The following VPS37A variants were observed in gnomAD, a reference collection of about 807,000 sequenced individuals.
VPS37A encodes VPS37A subunit of ESCRT-I, also known as vacuolar protein sorting-associated protein 37A.
Under a neutral mutation model 49.8 loss-of-function variants are expected in VPS37A, and 30 were observed. That is an observed-to-expected ratio of 0.60 (90% confidence interval 0.45 to 0.82). The LOEUF is 0.82. Among genes scored for constraint, VPS37A ranks in the 40% least tolerant of loss-of-function variants. The pLI is 0.00. For missense variants in VPS37A, 593 were observed against 464.4 expected, an observed-to-expected ratio of 1.28 and a Z score of -2.55; for synonymous variants, 195 against 160.6, an observed-to-expected ratio of 1.21 and a Z score of -1.62.
At chr8:17,318,244 C>T in the VPS37A span, among the ~76,000 whole-genome samples, 3 of 152,074 alleles carry the variant, frequency 2.0e-5, no homozygotes, top group South Asian at 2.1e-4. Flanking sequence ...AAGGAATTAT[C>T]ATGCTCGGGC....
At chr8:17,276,323 A>G (rs915161577) in intron 5 of VPS37A, 74 bp from the exon 6 acceptor site, 5 of 1,180,170 alleles carry the variant, frequency 4.2e-6, no homozygotes, top group Non-Finnish European at 4.9e-6. Context: ...TACATTAAAG[A>G]TTACGTTTAT....
At chr8:17,269,676 T>C (rs1241480685) in intron 4 of VPS37A, among the ~76,000 whole-genome samples, 1 of 152,200 alleles carries the variant, frequency 6.6e-6, no homozygotes, top group African/African-American at 2.4e-5. Flanking sequence ...TCACCAGGAA[T>C]TTCCTTTGTT....
downstream of VPS37A, among the ~76,000 whole-genome samples, chr8:17,303,462 A>C (rs967741682): frequency 2.6e-5 from 4 of 152,168 alleles, no homozygotes; most frequent in African/African-American, 9.6e-5. Context: ...ATTCTGCATG[A>C]GTCTTTTGAT....
chr8:17,267,897 C>G (rs578132974), intron 2 of VPS37A, among the ~76,000 whole-genome samples: 7 of 152,192 alleles, frequency 4.6e-5, no homozygotes, highest in Admixed American at 3.3e-4. Context: ...AATAAATAGC[C>G]AGACTGGACT....
intron 11 of VPS37A, among the ~76,000 whole-genome samples, chr8:17,288,452 T>C (rs781433131): frequency 2.0e-5 from 3 of 152,168 alleles, no homozygotes; most frequent in Non-Finnish European, 2.9e-5. Context: ...TTCCCACTTA[T>C]GAGTGAGAAC....
intron 2 of VPS37A, among the ~76,000 whole-genome samples, chr8:17,268,045 G>C (rs1307247421): frequency 6.6e-6 from 1 of 152,214 alleles, no homozygotes. Context: ...TTCACATTAA[G>C]ATTTTACTGC....
intron 4 of VPS37A, among the ~76,000 whole-genome samples, chr8:17,269,273 G>A (rs1194478016): frequency 3.3e-5 from 5 of 152,072 alleles, no homozygotes; most frequent in Admixed American, 3.3e-4. Context: ...CACTGTCTCA[G>A]TGAAATTATA....
intron 1 of VPS37A, 179 bp downstream of exon 1, chr8:17,247,548 G>T: frequency 2.2e-6 from 2 of 889,058 alleles, no homozygotes; most frequent in South Asian, 2.9e-5. Flanking sequence ...TTTTCCTCCG[G>T]ACCCTCCCTG....
At chr8:17,288,017 A>T (rs934153399) in intron 11 of VPS37A, among the ~76,000 whole-genome samples, 12 of 152,206 alleles carry the variant, frequency 7.9e-5, no homozygotes, top group South Asian at 4.1e-4. Flanking sequence ...TTGTAACATT[A>T]GTGCTCACAA....
intron 6 of VPS37A, among the ~76,000 whole-genome samples, chr8:17,278,214 G>C (rs984074326): frequency 6.6e-6 from 1 of 152,072 alleles, no homozygotes; most frequent in Non-Finnish European, 1.5e-5. Context: ...TGAGGCAGCA[G>C]TGAGGTCTGG....
rs116122457 is a variant in VPS37A at position 17,251,017 on chromosome 8, C to A, written c.125+3648C>A. On this transcript the variant is annotated intron_variant, in intron 1 of 11. Transcript: ENST00000324849. Reference sequence around the variant, plus strand: ...CCTGACTTTATGGACAGGAGTAGAACTAATTCTGTTTCTTATACTTCCTGA... The same window carrying A: ...CCTGACTTTATGGACAGGAGTAGAAATAATTCTGTTTCTTATACTTCCTGA... 2.0e-3 allele frequency among the ~76,000 whole-genome samples: 306 copies of A among 152,254 alleles called. 1 individual carries two copies. The highest frequency in any genetic ancestry group is 6.9e-3 in the African/African-American group (286 of 41,538).
chr8:17,290,757 C>G (rs1485634667), intron 11 of VPS37A, among the ~76,000 whole-genome samples: 2 of 152,162 alleles, frequency 1.3e-5, no homozygotes, highest in African/African-American at 2.4e-5. Flanking sequence ...GGAATGGTAC[C>G]AGCTTCTCTT....
At chr8:17,331,060 A>C in the VPS37A span, 1 of 1,471,724 alleles carries the variant, frequency 6.8e-7, no homozygotes, top group Non-Finnish European at 9.2e-7. Flanking sequence ...CACCTATGTA[A>C]AAACATTTTA....
chr8:17,320,740 A>T, the VPS37A span, among the ~76,000 whole-genome samples: 1 of 152,206 alleles, frequency 6.6e-6, no homozygotes, highest in Non-Finnish European at 1.5e-5. Flanking sequence ...AATACCAGAC[A>T]GGCCCTCCAA....
chr8:17,311,393 AGC>A, the VPS37A span: 2 of 1,317,596 alleles, frequency 1.5e-6, no homozygotes, highest in African/African-American at 2.9e-5. Flanking sequence ...AATCTTGCTG[AGC>A]TACTAAAAGA....
At chr8:17,276,803 T>C (rs1431734514) in intron 6 of VPS37A, among the ~76,000 whole-genome samples, 3 of 152,194 alleles carry the variant, frequency 2.0e-5, no homozygotes, top group Non-Finnish European at 2.9e-5. Context: ...TGGCCTATTT[T>C]AGATCTTCCA....
At chr8:17,302,319 A>G (rs1379723384), downstream of VPS37A, 6 of 1,580,810 alleles carry the variant, frequency 3.8e-6, no homozygotes, top group Non-Finnish European at 5.1e-6. Context: ...CCACCTTATC[A>G]CAGTCTGAAA....
chr8:17,321,817 T>C, the VPS37A span, among the ~76,000 whole-genome samples: 5 of 152,160 alleles, frequency 3.3e-5, no homozygotes, highest in African/African-American at 9.6e-5. Context: ...TTGTTTTATA[T>C]AAAAGGACAA....
chr8:17,311,595 A>G, the VPS37A span: 1 of 1,614,150 alleles, frequency 6.2e-7, no homozygotes, highest in Non-Finnish European at 8.5e-7. Context: ...CCCAGCCATC[A>G]GAACAGTGAA....
Sources: allele counts gnomAD v4.1 joint callset (sites outside exome capture counted in the v4.1 genomes callset), GRCh38; gene constraint gnomAD v4.1.1; transcripts MANE v1.5; gene names NCBI Gene and HGNC (gene_info 2026-07-23, HGNC 2026-07-21).